SCLY: variants seen among roughly 807,000 people sequenced by gnomAD.
SCLY encodes the protein putative selenocysteine lyase.
A neutral mutation model predicts 50.1 loss-of-function variants in SCLY; 38 were observed. That is an observed-to-expected ratio of 0.76 (90% CI 0.59 to 0.99). The LOEUF is 0.99. Among genes scored for constraint, SCLY ranks in the 50% least tolerant of loss-of-function variants. The probability of loss-of-function intolerance (pLI) is 0.00; values close to 1 mark genes in which losing one functional copy is unlikely to be tolerated. For missense variants in SCLY, 600 were observed against 620.0 expected, an observed-to-expected ratio of 0.97 and a Z score of 0.34; for synonymous variants, 243 against 249.4, an observed-to-expected ratio of 0.97 and a Z score of 0.24.
intron 10 of SCLY, chr2:238,096,190 G>A (rs2065432572): frequency 1.3e-5 from 2 of 157,050 alleles, no homozygotes; most frequent in Non-Finnish European, 2.8e-5. Context: ...TTACAGGCAT[G>A]AGCCACTATG....
chr2:238,077,777 C>T (rs546717694), intron 4 of SCLY, among the ~76,000 whole-genome samples: 3 of 152,272 alleles, frequency 2.0e-5, no homozygotes, highest in Admixed American at 6.5e-5. Context: ...CACCTGCCTG[C>T]TCCTGCTAGC....
intron 4 of SCLY, among the ~76,000 whole-genome samples, chr2:238,072,239 GAAC>G (rs1337056449): frequency 2.0e-5 from 3 of 152,056 alleles, no homozygotes; most frequent in South Asian, 4.1e-4. Flanking sequence ...TTCTACAGAT[GAAC>G]AACATTTCAT....
intron 6 of SCLY, chr2:238,082,894 C>G: frequency 3.1e-6 from 1 of 320,444 alleles, no homozygotes; most frequent in Non-Finnish European, 6.4e-6. Flanking sequence ...CTGGTTCCAA[C>G]CCCTCTCTAT....
At chr2:238,063,241 G>T (rs2065034723) in intron 1 of SCLY, among the ~76,000 whole-genome samples, 1 of 145,662 alleles carries the variant, frequency 6.9e-6, no homozygotes, top group Non-Finnish European at 1.5e-5. Context: ...TTGTGGGTTT[G>T]TTTTTTTTGT....
At chr2:238,087,486 C>T (rs1409156072) in intron 7 of SCLY, among the ~76,000 whole-genome samples, 1 of 152,156 alleles carries the variant, frequency 6.6e-6, no homozygotes, top group African/African-American at 2.4e-5. Flanking sequence ...AGCTCTATAA[C>T]CATTAGGAAA....
chr2:238,086,451 C>G (rs948573319), intron 7 of SCLY, among the ~76,000 whole-genome samples: 1 of 152,188 alleles, frequency 6.6e-6, no homozygotes, highest in African/African-American at 2.4e-5. Flanking sequence ...TGGCTCACAC[C>G]TATAATCCCC....
rs760065401 is a variant in SCLY at position 238,083,292 on chromosome 2, T to G, written c.822T>G (p.Gly274=). Residue 274 remains glycine, a synonymous_variant, in exon 7 of 12, where the codon GGT becomes GGG. Transcript: ENST00000254663. This position sits in a 1 kb window ranked among gnomAD's most constrained non-coding sequence, Gnocchi z 4.3. ...GCGCACTTTATATACGAGGACTTGG[T>G]GAATTTACCCCTCTCTACCCTATGC... The part of the protein sequence containing the change: ...RIGALYIRGL[G]EFTPLYPMLF... 6.2e-7 allele frequency: 1 copy of G among 1,613,954 alleles called. No individual in the cohort carries two copies. The highest frequency in any genetic ancestry group is 2.2e-5 in the East Asian group (1 of 44,902).
intron 8 of SCLY, chr2:238,092,474 A>G (rs1054090850): frequency 1.3e-5 from 2 of 152,236 alleles, no homozygotes; most frequent in African/African-American, 4.8e-5. Flanking sequence ...TGAAATACCC[A>G]GGGTTCAAAT....
Position 238,082,091 on chromosome 2 carries a change from G to A in SCLY, c.659G>A (p.Arg220Gln), listed in dbSNP as rs759790678. ...CGCATTAAAGCCCTGAACCAGGAAC[G>A]GGTGGCAGCTGGGCTACCTCCCATC... ...SQRIKALNQE[R>Q]VAAGLPPILV... Residue 220 changes from arginine (R) to glutamine (Q), a missense_variant, in exon 6 of 12, where the codon CGG (arginine) becomes CAG (glutamine). Transcript: ENST00000254663. 7.4e-6 allele frequency: 12 copies of A among 1,613,738 alleles called. No individual in the cohort carries two copies. The highest frequency in any genetic ancestry group is 1.7e-5 in the Admixed American group (1 of 60,014).
intron 3 of SCLY, 40 bp downstream of exon 3, chr2:238,068,205 G>A: frequency 7.4e-7 from 1 of 1,344,822 alleles, no homozygotes; most frequent in Non-Finnish European, 1.0e-6. Context: ...TTAACTGTAA[G>A]TTATAATAAA....
At chr2:238,073,848 G>T (rs1459857042) in intron 4 of SCLY, 1 of 442,816 alleles carries the variant, frequency 2.3e-6, no homozygotes, top group Admixed American at 2.4e-5. Context: ...TTAATTAATA[G>T]TAAATATATT....
rs1206991992 is a variant in SCLY, at chr2:238,081,956, A to G, written c.613-89A>G. On this transcript the variant is annotated intron_variant, in intron 5 of 11. Coordinates refer to ENST00000254663, the MANE Select transcript of SCLY (RefSeq NM_016510.7). ...CCGTTTCTCTGTTCACTTTGATAAC[A>G]TTTGGCCTGCGCTCACTACTCCTGA... 5 of 1,576,676 alleles carry G rather than the reference A, an allele frequency of 3.2e-6. No individual in the cohort carries two copies. In the African/African-American group the frequency reaches 4.0e-5, roughly 13 times the overall value.
At position 238,067,043 on chromosome 2, in the gene SCLY, G is replaced by A. The variant is rs1304710200; in HGVS notation, c.203-1022G>A. On this transcript the variant is annotated intron_variant, in intron 2 of 11. Coordinates refer to ENST00000254663, the MANE Select transcript of SCLY (RefSeq NM_016510.7). The surrounding 1 kb of genome is among the most constrained non-coding windows in gnomAD (Gnocchi z 4.3). ...CCTCCCACCGGGTCCCTCTGATGAC[G>A]TGGGAATTATGGGAGCTACAATTCA... Among the ~76,000 whole-genome samples, 4 of 152,124 alleles carry A rather than the reference G, an allele frequency of 2.6e-5. No individual in the cohort carries two copies. The highest frequency in any genetic ancestry group is 2.1e-4 in the South Asian group (1 of 4,828).
chr2:238,096,854 TGC>T lies in SCLY; in HGVS notation c.1163_1164del (p.Cys388SerfsTer90). On this transcript the variant is annotated frameshift_variant, in exon 11 of 12. Transcript: ENST00000254663. LOFTEE classifies it high-confidence loss of function. The stretch of plus-strand genomic sequence containing the variant: ...GCTGATGGCCAGTGTGGGGGCCGCG[TGC>T]CACTCGGACCACGGGGACCAGTAAG... ...RVLMASVGAACHSDHGDQPSP... is the reference protein window; with the variant it reads ...RVLMASVGAAXHSDHGDQPSP... The T allele has an allele frequency of 6.2e-7, 1 of 1,612,186 alleles. No individual in the cohort carries two copies. The highest frequency in any genetic ancestry group is 8.5e-7 in the Non-Finnish European group (1 of 1,179,442).
intron 7 of SCLY, among the ~76,000 whole-genome samples, chr2:238,089,587 G>A (rs1056698342): frequency 6.6e-6 from 1 of 151,650 alleles, no homozygotes; most frequent in African/African-American, 2.4e-5. Context: ...GGACAGGTTT[G>A]AATGTAGCCC....
At chr2:238,081,000 C>T (rs2065231300) in intron 4 of SCLY, 1 of 152,352 alleles carries the variant, frequency 6.6e-6, no homozygotes, top group Non-Finnish European at 1.5e-5. Context: ...ACTGTGTCAC[C>T]CAGGCTGGAG....
At chr2:238,091,901 C>G (rs2065366179) in intron 8 of SCLY, 1 of 152,974 alleles carries the variant, frequency 6.5e-6, no homozygotes, top group East Asian at 1.9e-4. Flanking sequence ...CAGATGTATG[C>G]CCCACCTTCT....
chr2:238,099,064 G>T lies in SCLY; in HGVS notation c.*709G>T. ...TCCGCCCACTGGCAATCAGGGCTGC[G>T]CACTTCCCTGTCCACGGTCCCCAGG... On this transcript the variant is annotated 3_prime_UTR_variant, in exon 12 of 12. Transcript: ENST00000254663. The T allele has an allele frequency of 2.8e-6, 1 of 357,982 alleles. No homozygotes were observed. The allele number at this position is 357,982 out of a possible 1,614,324, so 22.2% of individuals were successfully genotyped here.
At chr2:238,089,340 T>TATC (rs2065336099) in intron 7 of SCLY, among the ~76,000 whole-genome samples, 1 of 152,172 alleles carries the variant, frequency 6.6e-6, no homozygotes, top group African/African-American at 2.4e-5. Context: ...TAACAATTTC[T>TATC]ATCAAAATCC....
Sources: gnomAD v4.1 joint callset for allele counts (sites outside exome capture counted in the v4.1 genomes callset) on GRCh38, gnomAD v4.1.1 for gene constraint, Gnocchi (gnomAD v3.1) non-coding constraint, MANE v1.5 for transcripts, NCBI Gene and HGNC (gene_info 2026-07-23, HGNC 2026-07-21) for gene names.